The following TRHDE variants were observed in gnomAD, a reference collection of about 807,000 sequenced individuals.
TRHDE encodes thyrotropin releasing hormone degrading enzyme.
TRHDE carries 72 observed loss-of-function variants against 125.7 expected under a neutral mutation model. The ratio of observed to expected loss-of-function variants is 0.57; its 90% CI spans 0.47 to 0.70. TRHDE has a LOEUF of 0.70. TRHDE is among the 30% of genes least tolerant of loss of function. The pLI, the probability that TRHDE is intolerant of heterozygous loss-of-function variation, is 0.00. For synonymous variants in TRHDE, 509 were observed against 509.1 expected, an observed-to-expected ratio of 1.00 and a Z score of 0.00; for missense variants, 1,110 against 1,327.1, an observed-to-expected ratio of 0.84 and a Z score of 2.54.
rs1277793849 is a variant in TRHDE at position 72,666,181 on chromosome 12, A to G, written c.*2986A>G. On this transcript the variant is annotated 3_prime_UTR_variant, in exon 19 of 19. Coordinates refer to ENST00000261180, the MANE Select transcript of TRHDE (RefSeq NM_013381.3). ...TTGTTTTATTTGACTCATCACAAAA[A>G]CATAATAAATGTTGTGAGCCCTAAT... 3 of 152,092 alleles carry G rather than the reference A, an allele frequency of 2.0e-5. No homozygotes were observed. The East Asian group carries it at 5.8e-4, about 29-fold the overall frequency. 9.4% of individuals were successfully genotyped at this position (152,092 alleles called of 1,614,324 possible). A position where few individuals can be genotyped will look rare whatever the true frequency, so the allele number is the denominator to read the frequency against.
At chr12:72,357,784 G>A (rs1870887936) in intron 2 of TRHDE, among the ~76,000 whole-genome samples, 1 of 149,366 alleles carries the variant, frequency 6.7e-6, no homozygotes, top group African/African-American at 2.4e-5. Flanking sequence ...TTCTGCTATA[G>A]TAACTATTTT....
At chr12:72,406,637 T>C (rs1193971119) in intron 3 of TRHDE, among the ~76,000 whole-genome samples, 2 of 152,272 alleles carry the variant, frequency 1.3e-5, no homozygotes, top group East Asian at 3.9e-4. Flanking sequence ...TTTTTCTTCA[T>C]GAGATACATA....
intron 2 of TRHDE, among the ~76,000 whole-genome samples, chr12:72,123,254 T>C (rs1157918731): frequency 1.3e-5 from 2 of 152,150 alleles, no homozygotes; most frequent in African/African-American, 2.4e-5. Context: ...AAGGAATTAC[T>C]TGAGCAGGGA....
chr12:72,458,613 G>A (rs1875983702), intron 3 of TRHDE, among the ~76,000 whole-genome samples: 1 of 152,100 alleles, frequency 6.6e-6, no homozygotes, highest in East Asian at 1.9e-4. Flanking sequence ...CAGCCTCTTA[G>A]TAGATATCTC....
At chr12:72,332,753 A>G (rs1358290521) in intron 2 of TRHDE, among the ~76,000 whole-genome samples, 2 of 152,246 alleles carry the variant, frequency 1.3e-5, no homozygotes, top group Non-Finnish European at 2.9e-5. Context: ...CACTGCTCTC[A>G]GAGACCTTAC....
At chr12:72,645,256 A>G (rs1231837798) in intron 15 of TRHDE, among the ~76,000 whole-genome samples, 1 of 152,202 alleles carries the variant, frequency 6.6e-6, no homozygotes, top group African/African-American at 2.4e-5. Context: ...AATTTAAACA[A>G]GGAGATATAA....
chr12:72,506,744 C>G (rs2135943055), intron 6 of TRHDE, among the ~76,000 whole-genome samples: 1 of 152,272 alleles, frequency 6.6e-6, no homozygotes, highest in East Asian at 1.9e-4. Flanking sequence ...TCCCAGGCTA[C>G]CCTTGATCCT....
chr12:72,503,514 G>C (rs1201446980), intron 6 of TRHDE, among the ~76,000 whole-genome samples: 1 of 152,136 alleles, frequency 6.6e-6, no homozygotes, highest in Non-Finnish European at 1.5e-5. Flanking sequence ...ACATATGAGT[G>C]TTATCCAGCA....
intron 12 of TRHDE, among the ~76,000 whole-genome samples, chr12:72,589,078 T>G (rs957199021): frequency 1.3e-5 from 2 of 152,098 alleles, no homozygotes; most frequent in African/African-American, 4.8e-5. Context: ...CAAGGTGAGA[T>G]TCGGGTGGGG....
chr12:72,225,791 GGC>G (rs1415360665), intron 2 of TRHDE, among the ~76,000 whole-genome samples: 1 of 152,108 alleles, frequency 6.6e-6, no homozygotes, highest in Non-Finnish European at 1.5e-5. Flanking sequence ...ATTAAAACGG[GGC>G]CAGGAAAAGA....
chr12:72,227,632 T>C (rs535274993), intron 2 of TRHDE, among the ~76,000 whole-genome samples: 6 of 152,248 alleles, frequency 3.9e-5, no homozygotes, highest in African/African-American at 1.4e-4. Flanking sequence ...TCCCAAAGTC[T>C]TAACTAATTT....
intron 2 of TRHDE, among the ~76,000 whole-genome samples, chr12:72,153,903 CT>C (rs1876433702): frequency 6.6e-6 from 1 of 152,044 alleles, no homozygotes; most frequent in South Asian, 2.1e-4. Flanking sequence ...CTGTAGATGT[CT>C]ATTAGGTCCG....
chr12:72,275,111 C>G (rs1158602990), intron 1 of TRHDE, among the ~76,000 whole-genome samples: 4 of 152,144 alleles, frequency 2.6e-5, no homozygotes, highest in East Asian at 1.9e-4. Flanking sequence ...AAAATGGGCT[C>G]GGAGAAGCCC....
At chr12:72,517,819 C>T (rs1291276811) in intron 6 of TRHDE, among the ~76,000 whole-genome samples, 26 of 151,330 alleles carry the variant, frequency 1.7e-4, no homozygotes, top group Admixed American at 2.6e-4. Context: ...GCTTTGAATG[C>T]GTCCCAGAGA....
intron 12 of TRHDE, among the ~76,000 whole-genome samples, chr12:72,588,542 A>G (rs1298838786): frequency 3.3e-5 from 5 of 152,176 alleles, no homozygotes; most frequent in Non-Finnish European, 5.9e-5. Flanking sequence ...TTTTCAGAGT[A>G]AAAGGTAAAG....
At chr12:72,655,068 GT>G (rs1466271518) in intron 17 of TRHDE, among the ~76,000 whole-genome samples, 3 of 151,920 alleles carry the variant, frequency 2.0e-5, no homozygotes, top group Non-Finnish European at 4.4e-5. Context: ...AATTTTTGTT[GT>G]TGTTGTTGTT....
At chr12:72,233,329 C>T (rs1878282358) in intron 2 of TRHDE, among the ~76,000 whole-genome samples, 1 of 152,106 alleles carries the variant, frequency 6.6e-6, no homozygotes, top group Non-Finnish European at 1.5e-5. Flanking sequence ...TTGTAGGCAA[C>T]TCTGCCCTTA....
intron 12 of TRHDE, among the ~76,000 whole-genome samples, chr12:72,597,735 A>G (rs76519147): frequency 3.7e-4 from 3 of 8,158 alleles, no homozygotes; most frequent in South Asian, 5.1e-3. Context: ...ATATATATAT[A>G]TATATATATA....
intron 3 of TRHDE, among the ~76,000 whole-genome samples, chr12:72,448,272 C>A (rs1255773333): frequency 1.3e-5 from 2 of 152,038 alleles, no homozygotes; most frequent in Non-Finnish European, 1.5e-5. Context: ...AGACTGTTTT[C>A]TGGTTGATGG....
Sources: gnomAD v4.1 joint callset for allele counts (sites outside exome capture counted in the v4.1 genomes callset) on GRCh38, gnomAD v4.1.1 for gene constraint, MANE v1.5 for transcripts, NCBI Gene and HGNC (gene_info 2026-07-23, HGNC 2026-07-21) for gene names.